The following SMURF1 variants were observed in gnomAD, a reference collection of about 807,000 sequenced individuals.
The protein encoded by SMURF1 is SMAD specific E3 ubiquitin protein ligase 1, also known as E3 ubiquitin-protein ligase SMURF1.
Under a neutral mutation model 98.0 loss-of-function variants are expected in SMURF1, and 44 were observed. The ratio of observed to expected loss-of-function variants is 0.45; its 90% confidence interval spans 0.35 to 0.58. SMURF1 has a LOEUF of 0.58. SMURF1 is among the 20% of genes least tolerant of loss of function. The pLI is 0.00. For missense variants in SMURF1, 687 were observed against 938.4 expected (o/e 0.73, Z 3.50); for synonymous variants, 396 against 374.9 (o/e 1.06, Z -0.65).
At chr7:99,055,517 G>T (rs991202007) in intron 5 of SMURF1, among the ~76,000 whole-genome samples, 12 of 149,290 alleles carry the variant, frequency 8.0e-5, no homozygotes, top group East Asian at 1.9e-4. Context: ...AAGTTTTTTT[G>T]GGGGGGATTA....
rs185235660 is a variant in SMURF1 at position 99,137,735 on chromosome 7, G to A, written c.55+5991C>T. Among the ~76,000 whole-genome samples the A allele has an allele frequency of 6.6e-4, 100 of 152,332 alleles. No individual in the cohort carries two copies. The East Asian group carries it at 0.018, about 27-fold the overall frequency. ...CACAGCTGGAATTACAGAGTGGGGC[G>A]CGTCACCAGACGCGCTGATTATACA... On this transcript the variant is annotated intron_variant, in intron 1 of 17. Transcript: ENST00000361368.
intron 1 of SMURF1, among the ~76,000 whole-genome samples, chr7:99,109,912 G>C (rs1797282670): frequency 6.6e-6 from 1 of 152,122 alleles, no homozygotes; most frequent in African/African-American, 2.4e-5. Flanking sequence ...AAAGCCAAGA[G>C]CAAACAAGGA....
chr7:99,066,791 A>G (rs879886231), intron 1 of SMURF1, among the ~76,000 whole-genome samples: 10 of 151,528 alleles, frequency 6.6e-5, no homozygotes, highest in Non-Finnish European at 1.2e-4. Flanking sequence ...AAAGAAAAAA[A>G]AAAAAAAAGA....
intron 10 of SMURF1, among the ~76,000 whole-genome samples, chr7:99,046,101 C>T (rs776736604): frequency 3.3e-5 from 5 of 152,104 alleles, no homozygotes; most frequent in Non-Finnish European, 7.4e-5. Context: ...AGGGTTGATT[C>T]TTCTCTGTAT....
intron 5 of SMURF1, among the ~76,000 whole-genome samples, chr7:99,056,250 G>T (rs1016619459): frequency 5.3e-5 from 8 of 152,064 alleles, no homozygotes; most frequent in Non-Finnish European, 1.5e-5. Context: ...AAGATTTGGA[G>T]TGAGAATCAC....
At chr7:99,131,251 G>A (rs1797865871) in intron 1 of SMURF1, among the ~76,000 whole-genome samples, 1 of 152,122 alleles carries the variant, frequency 6.6e-6, no homozygotes, top group South Asian at 2.1e-4. Flanking sequence ...ACATTAGGAA[G>A]TGCGATATTG....
intron 14 of SMURF1, among the ~76,000 whole-genome samples, chr7:99,038,115 T>C (rs1234359928): frequency 6.6e-6 from 1 of 152,070 alleles, no homozygotes; most frequent in Admixed American, 6.6e-5. Flanking sequence ...GCCCCCCACC[T>C]TTGCACCCAG....
chr7:99,052,576 TC>T, intron 6 of SMURF1, 130 bp from the exon 7 acceptor site: 6 of 1,007,246 alleles, frequency 6.0e-6, no homozygotes, highest in Non-Finnish European at 7.9e-6. Context: ...CGTCCAGTGT[TC>T]CAAGGGCCTA....
chr7:99,138,809 CCT>C (rs1203124606), intron 1 of SMURF1, among the ~76,000 whole-genome samples: 1 of 152,116 alleles, frequency 6.6e-6, no homozygotes, highest in Non-Finnish European at 1.5e-5. Context: ...ATGACAAAAA[CCT>C]CTATTTGGCA....
At chr7:99,118,798 CT>C (rs994746294) in intron 1 of SMURF1, among the ~76,000 whole-genome samples, 3 of 151,680 alleles carry the variant, frequency 2.0e-5, no homozygotes, top group Non-Finnish European at 2.9e-5. Flanking sequence ...TTTACCTCAA[CT>C]TTTTTTTAAA....
chr7:99,030,792 G>C (rs1794847627), intron 17 of SMURF1, 109 bp from the exon 18 acceptor site: 1 of 694,764 alleles, frequency 1.4e-6, no homozygotes, highest in Non-Finnish European at 2.5e-6. Flanking sequence ...GAGGAATGGG[G>C]GGTGGGGCAG....
intron 1 of SMURF1, among the ~76,000 whole-genome samples, chr7:99,065,156 CGATCA>C (rs938621139): frequency 6.6e-6 from 1 of 150,842 alleles, no homozygotes; most frequent in Non-Finnish European, 1.5e-5. Flanking sequence ...TGCAGTGGTG[CGATCA>C]CAGCTCACTG....
At chr7:99,037,743 A>T (rs1584445028) in intron 14 of SMURF1, among the ~76,000 whole-genome samples, 1 of 152,214 alleles carries the variant, frequency 6.6e-6, no homozygotes, top group African/African-American at 2.4e-5. Context: ...TGTCACATCA[A>T]TTGCTGCAAT....
intron 1 of SMURF1, among the ~76,000 whole-genome samples, chr7:99,142,001 A>C (rs1798129590): frequency 6.6e-6 from 1 of 152,210 alleles, no homozygotes; most frequent in African/African-American, 2.4e-5. Context: ...CGCATTTGCA[A>C]CACGGCCATC....
chr7:99,033,837 A>C (rs1400390754), intron 16 of SMURF1, among the ~76,000 whole-genome samples: 1 of 152,216 alleles, frequency 6.6e-6, no homozygotes, highest in East Asian at 1.9e-4. Context: ...AGTGAGCACC[A>C]GGCTGGCCAG....
chr7:99,089,508 G>C (rs1471081881), intron 1 of SMURF1, among the ~76,000 whole-genome samples: 2 of 151,912 alleles, frequency 1.3e-5, no homozygotes, highest in African/African-American at 4.8e-5. Flanking sequence ...GGGTGTGGTG[G>C]TGTGTGCCTG....
At chr7:99,142,863 G>C (rs1010770023) in intron 1 of SMURF1, among the ~76,000 whole-genome samples, 4 of 150,688 alleles carry the variant, frequency 2.7e-5, no homozygotes, top group Admixed American at 6.6e-5. Context: ...CAGGGGAACA[G>C]AGGCAAGGCC....
intron 1 of SMURF1, among the ~76,000 whole-genome samples, chr7:99,134,568 C>A (rs2150647087): frequency 6.6e-6 from 1 of 152,278 alleles, no homozygotes; most frequent in African/African-American, 2.4e-5. Flanking sequence ...ATGTTTTCTA[C>A]TTCTACAGAG....
intron 13 of SMURF1, among the ~76,000 whole-genome samples, chr7:99,038,738 C>T (rs929292662): frequency 6.6e-6 from 1 of 152,070 alleles, no homozygotes; most frequent in Non-Finnish European, 1.5e-5. Context: ...TCCTGGCTTC[C>T]ACAGTCATAG....
Sources: allele counts gnomAD v4.1 joint callset (sites outside exome capture counted in the v4.1 genomes callset), GRCh38; gene constraint gnomAD v4.1.1; transcripts MANE v1.5; gene names NCBI Gene and HGNC (gene_info 2026-07-23, HGNC 2026-07-21).